The following FSTL5 variants were observed in gnomAD, a reference collection of about 807,000 sequenced individuals.
FSTL5 encodes follistatin-related protein 5.
Under a neutral mutation model 89.1 loss-of-function variants are expected in FSTL5, and 62 were observed. That is an observed-to-expected ratio of 0.70 (90% CI 0.57 to 0.86). The LOEUF is 0.86. Among genes scored for constraint, FSTL5 ranks in the 40% least tolerant of loss-of-function variants. FSTL5 has a pLI of 0.00. For synonymous variants in FSTL5, 383 were observed against 346.2 expected, an observed-to-expected ratio of 1.11 and a Z score of -1.18; for missense variants, 1,057 against 1,001.6, an observed-to-expected ratio of 1.06 and a Z score of -0.75.
chr4:161,526,659 A>C (rs1448389865), intron 10 of FSTL5, among the ~76,000 whole-genome samples: 1 of 152,146 alleles, frequency 6.6e-6, no homozygotes, highest in East Asian at 1.9e-4. Flanking sequence ...TCAGCTTTCT[A>C]CATATGGCTA....
chr4:161,794,649 T>C (rs1729575339), intron 4 of FSTL5, among the ~76,000 whole-genome samples: 1 of 152,202 alleles, frequency 6.6e-6, no homozygotes, highest in East Asian at 1.9e-4. Context: ...ATCCTTTTCC[T>C]AAATCACATT....
chr4:161,404,979 C>T (rs925749714), intron 15 of FSTL5, among the ~76,000 whole-genome samples: 9 of 152,020 alleles, frequency 5.9e-5, no homozygotes, highest in African/African-American at 1.9e-4. Flanking sequence ...GCCTGTAATC[C>T]CAGAACTTTG....
intron 1 of FSTL5, among the ~76,000 whole-genome samples, chr4:162,159,607 A>C (rs1386991376): frequency 6.6e-6 from 1 of 152,068 alleles, no homozygotes; most frequent in Non-Finnish European, 1.5e-5. Context: ...ACATTAGTAC[A>C]CAAGGAATAA....
chr4:161,686,734 T>C (rs1737760359), intron 6 of FSTL5, among the ~76,000 whole-genome samples: 1 of 152,098 alleles, frequency 6.6e-6, no homozygotes. Context: ...CAATATCATA[T>C]TTTTGGTGTT....
intron 4 of FSTL5, among the ~76,000 whole-genome samples, chr4:161,859,225 T>C (rs940813343): frequency 2.6e-5 from 4 of 152,246 alleles, no homozygotes; most frequent in Admixed American, 1.3e-4. Flanking sequence ...CTTAGAGGAA[T>C]AGATGGGAAC....
At chr4:162,000,417 C>T (rs1393620922) in intron 3 of FSTL5, among the ~76,000 whole-genome samples, 3 of 151,706 alleles carry the variant, frequency 2.0e-5, no homozygotes, top group East Asian at 3.9e-4. Flanking sequence ...ATGATGAAAC[C>T]CCATCTCTAC....
intron 3 of FSTL5, among the ~76,000 whole-genome samples, chr4:162,020,304 T>C (rs1737035107): frequency 6.6e-6 from 1 of 151,992 alleles, no homozygotes; most frequent in Non-Finnish European, 1.5e-5. Context: ...GGTAAGTCTG[T>C]TTGGTGAAAG....
intron 4 of FSTL5, among the ~76,000 whole-genome samples, chr4:161,849,937 T>C (rs1251202213): frequency 6.6e-6 from 1 of 152,170 alleles, no homozygotes. Flanking sequence ...GGTCTTAACA[T>C]GACAAAATCA....
chr4:161,638,824 G>A (rs988604673), intron 7 of FSTL5, among the ~76,000 whole-genome samples: 6 of 132,652 alleles, frequency 4.5e-5, no homozygotes, highest in Non-Finnish European at 9.5e-5. Context: ...TTCATCCCTG[G>A]GATGCAAGGC....
intron 3 of FSTL5, among the ~76,000 whole-genome samples, chr4:162,007,247 T>C (rs1163890262): frequency 1.3e-5 from 2 of 151,928 alleles, no homozygotes. Context: ...TCATATTAAA[T>C]ATTTTTAAAG....
chr4:161,931,822 A>G (rs1734293312), intron 3 of FSTL5, among the ~76,000 whole-genome samples: 1 of 151,936 alleles, frequency 6.6e-6, no homozygotes, highest in Non-Finnish European at 1.5e-5. Flanking sequence ...AAGACAAGTC[A>G]TTTGTTAACA....
Position 161,651,884 on chromosome 4 carries a change from G to A in FSTL5, c.894+4444C>T, listed in dbSNP as rs118076413. ...ATTTGGTGCAAAATATAAAACAGAC[G>A]AAATGAAAGTCTTCAAACATCAATT... On this transcript the variant is annotated intron_variant, in intron 7 of 15. Transcript: ENST00000306100. Among the ~76,000 whole-genome samples the A allele has an allele frequency of 6.1e-3, 929 of 152,218 alleles. 9 individuals carry two copies. The highest frequency in any genetic ancestry group is 0.046 in the South Asian group (220 of 4,824).
chr4:162,133,277 A>G (rs933563295), intron 1 of FSTL5, among the ~76,000 whole-genome samples: 1 of 152,222 alleles, frequency 6.6e-6, no homozygotes, highest in Non-Finnish European at 1.5e-5. Flanking sequence ...TGAGGGAAGA[A>G]CAAAAAGTCT....
chr4:161,454,142 T>C (rs1733267940), intron 15 of FSTL5, among the ~76,000 whole-genome samples: 2 of 152,200 alleles, frequency 1.3e-5, no homozygotes, highest in African/African-American at 4.8e-5. Context: ...TAATTTTTAA[T>C]TTAAATAAGG....
At chr4:161,811,036 C>T (rs1221821683) in intron 4 of FSTL5, among the ~76,000 whole-genome samples, 3 of 152,116 alleles carry the variant, frequency 2.0e-5, no homozygotes, top group East Asian at 1.9e-4. Flanking sequence ...TCCCTCTGCT[C>T]CCAACCCCCT....
At chr4:161,625,945 T>G (rs189371370) in intron 7 of FSTL5, among the ~76,000 whole-genome samples, 81 of 152,172 alleles carry the variant, frequency 5.3e-4, no homozygotes, top group African/African-American at 1.5e-3. Flanking sequence ...AGGCTGTAAA[T>G]CTCTTCAATT....
chr4:161,859,026 G>A (rs1417588830), intron 4 of FSTL5, among the ~76,000 whole-genome samples: 1 of 152,096 alleles, frequency 6.6e-6, no homozygotes, highest in Non-Finnish European at 1.5e-5. Context: ...TGTGGTCCTG[G>A]TCAGGTCTCT....
chr4:162,137,744 C>T (rs1304457337), intron 1 of FSTL5, among the ~76,000 whole-genome samples: 2 of 152,164 alleles, frequency 1.3e-5, no homozygotes, highest in Admixed American at 6.5e-5. Context: ...TCACAACTTA[C>T]AGACAAAAAA....
rs534718715 is a variant in FSTL5 at position 161,976,958 on chromosome 4, T to C, written c.161-56306A>G. Among the ~76,000 whole-genome samples, 24 of 152,314 alleles carry C rather than the reference T, an allele frequency of 1.6e-4. No homozygotes were observed. The South Asian group carries it at 3.9e-3, about 25-fold the overall frequency. On this transcript the variant is annotated intron_variant, in intron 3 of 15. Transcript: ENST00000306100. Reference sequence around the variant, plus strand: ...TTTTGTTTGGAACTGCACGGCATCTTTTCTGTTTTCCATGGTGACTATAAT... The same window carrying C: ...TTTTGTTTGGAACTGCACGGCATCTCTTCTGTTTTCCATGGTGACTATAAT...
Sources: gnomAD v4.1 joint callset for allele counts (sites outside exome capture counted in the v4.1 genomes callset) on GRCh38, gnomAD v4.1.1 for gene constraint, MANE v1.5 for transcripts, NCBI Gene and HGNC (gene_info 2026-07-23, HGNC 2026-07-21) for gene names.